YEATS2: variants seen among roughly 807,000 people sequenced by gnomAD.
YEATS2 encodes YEATS domain containing 2, also known as YEATS domain-containing protein 2.
In YEATS2, 77 loss-of-function variants were observed where a neutral mutation model predicts 163.2. The observed-to-expected ratio is 0.47, with a 90% CI of 0.39 to 0.57. The LOEUF (loss-of-function observed/expected upper bound fraction) is 0.57, where lower values mean the gene tolerates loss of function less well. Among genes scored for constraint, YEATS2 ranks in the 20% least tolerant of loss-of-function variants. YEATS2 has a pLI of 0.00. For missense variants in YEATS2, 1,549 were observed against 1,729.8 expected, an observed-to-expected ratio of 0.90 and a Z score of 1.85; for synonymous variants, 631 against 645.1, an observed-to-expected ratio of 0.98 and a Z score of 0.33.
intron 1 of YEATS2, among the ~76,000 whole-genome samples, chr3:183,708,404 ATG>A (rs1714844656): frequency 6.6e-6 from 1 of 152,122 alleles, no homozygotes; most frequent in Admixed American, 6.5e-5. Flanking sequence ...GCAAAACACA[ATG>A]GTAGAGTTCT....
At position 183,754,204 on chromosome 3, in the gene YEATS2, A is replaced by T. The variant is rs750122328; in HGVS notation, c.1229A>T (p.Lys410Ile). 1 of 1,613,822 alleles carries T rather than the reference A, an allele frequency of 6.2e-7. No homozygotes were observed. Among genetic ancestry groups the T allele is most frequent in the African/African-American group, 1.3e-5 (1 of 74,926 alleles). The change falls in exon 11 of 31, where the codon AAA becomes ATA. Residue 410 changes from lysine to isoleucine, a missense_variant. Coordinates refer to ENST00000305135, the MANE Select transcript of YEATS2 (RefSeq NM_018023.5). ...LPSSLERTPT[K>I]MTTSQKVTFC... Reference sequence around the variant, plus strand: ...TCTTCATTGGAAAGAACACCCACCAAAATGACTACATCCCAGAAAGTTACC... The same window carrying T: ...TCTTCATTGGAAAGAACACCCACCATAATGACTACATCCCAGAAAGTTACC...
chr3:183,770,565 T>C (rs943289947), intron 15 of YEATS2, among the ~76,000 whole-genome samples: 1 of 152,240 alleles, frequency 6.6e-6, no homozygotes, highest in African/African-American at 2.4e-5. Flanking sequence ...TATTCATGTT[T>C]ACTTCAGATC....
At chr3:183,798,731 A>C (rs1395024402) in intron 22 of YEATS2, among the ~76,000 whole-genome samples, 160 bp from the exon 23 acceptor site, 1 of 152,198 alleles carries the variant, frequency 6.6e-6, no homozygotes, top group Non-Finnish European at 1.5e-5. Flanking sequence ...CCTCATACCT[A>C]ATAATCGCCC....
chr3:183,726,183 A>G (rs1717077974), intron 6 of YEATS2, among the ~76,000 whole-genome samples: 1 of 151,856 alleles, frequency 6.6e-6, no homozygotes, highest in East Asian at 1.9e-4. Flanking sequence ...AGAATAAAAT[A>G]GGGCTTGGTA....
At chr3:183,704,506 CTT>C (rs938913084) in intron 1 of YEATS2, among the ~76,000 whole-genome samples, 5 of 151,982 alleles carry the variant, frequency 3.3e-5, no homozygotes, top group African/African-American at 1.2e-4. Context: ...AGAAGAGTGT[CTT>C]ATTTTCCATA....
At chr3:183,766,266 T>G (rs1234907761) in intron 15 of YEATS2, among the ~76,000 whole-genome samples, 3 of 152,172 alleles carry the variant, frequency 2.0e-5, no homozygotes, top group African/African-American at 7.2e-5. Context: ...AATTAGAGAT[T>G]GTATATGAAG....
chr3:183,730,585 T>C (rs549779368), intron 7 of YEATS2, among the ~76,000 whole-genome samples: 96 of 152,302 alleles, frequency 6.3e-4, no homozygotes, highest in African/African-American at 2.2e-3. Context: ...GATGTCTTCC[T>C]TGATCACATT....
chr3:183,777,910 CTGGCCAACA>C (rs1291965402), intron 19 of YEATS2, among the ~76,000 whole-genome samples: 1 of 152,086 alleles, frequency 6.6e-6, no homozygotes, highest in East Asian at 1.9e-4. Flanking sequence ...GGAGACCAGC[CTGGCCAACA>C]TGGCCAACAT....
intron 15 of YEATS2, 128 bp downstream of exon 15, chr3:183,762,407 T>C (rs262990): frequency 0.45 from 527,985 of 1,176,514 alleles, 121,753 homozygotes; most frequent in East Asian, 0.67. Flanking sequence ...GGTGAAAGCC[T>C]AGTTGGAAAA....
Position 183,809,281 on chromosome 3 carries a change from G to A in YEATS2, c.4160+111G>A, listed in dbSNP as rs973239097. ...ATCAATCCAGTAGGAGATGGAGTGA[G>A]TGCTTAGGACACTCTTAGAGCCAGA... is the stretch of plus-strand genomic sequence containing the variant. On this transcript the variant is annotated intron_variant, in intron 30 of 30. Transcript: ENST00000305135. 7.3e-6 allele frequency: 8 copies of A among 1,093,878 alleles called. No individual in the cohort carries two copies. The African/African-American group carries it at 9.2e-5, about 13-fold the overall frequency. 67.8% of individuals were successfully genotyped at this position (1,093,878 alleles called of 1,614,324 possible). A position where few individuals can be genotyped will look rare whatever the true frequency, so the allele number is the denominator to read the frequency against.
intron 17 of YEATS2, among the ~76,000 whole-genome samples, chr3:183,775,682 C>T (rs1021186106): frequency 1.3e-5 from 2 of 152,060 alleles, no homozygotes; most frequent in African/African-American, 2.4e-5. Flanking sequence ...TACTCAGAGC[C>T]GAAATACAGT....
At chr3:183,716,152 G>A (rs1187437003) in intron 2 of YEATS2, among the ~76,000 whole-genome samples, 1 of 152,000 alleles carries the variant, frequency 6.6e-6, no homozygotes, top group African/African-American at 2.4e-5. Context: ...GTAGAGACGG[G>A]GTTTCACCGT....
chr3:183,742,259 T>C (rs1719054950), intron 8 of YEATS2, among the ~76,000 whole-genome samples: 1 of 152,102 alleles, frequency 6.6e-6, no homozygotes, highest in Non-Finnish European at 1.5e-5. Context: ...TTTGTAAGGC[T>C]ATGGATGCCA....
intron 1 of YEATS2, among the ~76,000 whole-genome samples, chr3:183,712,682 A>G (rs1715394131): frequency 3.3e-5 from 5 of 152,162 alleles, no homozygotes. Context: ...TATCTTAATC[A>G]ATAGATCCAG....
chr3:183,794,147 G>A (rs1724929342), intron 21 of YEATS2, among the ~76,000 whole-genome samples: 1 of 152,158 alleles, frequency 6.6e-6, no homozygotes, highest in Admixed American at 6.6e-5. Context: ...GGTGGAATAT[G>A]ATCTGCCTTA....
At chr3:183,774,078 T>C (rs1306195491) in intron 17 of YEATS2, among the ~76,000 whole-genome samples, 1 of 152,126 alleles carries the variant, frequency 6.6e-6, no homozygotes, top group East Asian at 1.9e-4. Flanking sequence ...TGAAGTGGTG[T>C]CTGAAAATTA....
Position 183,762,293 on chromosome 3 carries a change from A to G in YEATS2, c.1947+14A>G, listed in dbSNP as rs2109352364. ...CAGCCCTCCAAGGTTTGTGTTGGGT[A>G]GAGATGGGAAATTTCACATGTAAAT... On this transcript the variant is annotated intron_variant, in intron 15 of 30. Transcript: ENST00000305135. The G allele has an allele frequency of 1.9e-6, 3 of 1,556,290 alleles. No homozygotes were observed. The highest frequency in any genetic ancestry group is 1.7e-6 in the Non-Finnish European group (2 of 1,152,434).
At chr3:183,801,383 G>A (rs1355131596) in intron 24 of YEATS2, 72 bp from the exon 25 acceptor site, 2 of 1,036,974 alleles carry the variant, frequency 1.9e-6, no homozygotes, top group Non-Finnish European at 2.8e-6. Flanking sequence ...TTAAGTACAT[G>A]GCATATATAT....
At chr3:183,704,103 A>G (rs947664548) in intron 1 of YEATS2, among the ~76,000 whole-genome samples, 1 of 150,594 alleles carries the variant, frequency 6.6e-6, no homozygotes, top group African/African-American at 2.4e-5. Flanking sequence ...GTGAGCCGAT[A>G]TTGCGCCACT....
Sources: allele counts gnomAD v4.1 joint callset (sites outside exome capture counted in the v4.1 genomes callset), GRCh38; gene constraint gnomAD v4.1.1; transcripts MANE v1.5; gene names NCBI Gene and HGNC (gene_info 2026-07-23, HGNC 2026-07-21).